SGCD: variants seen among roughly 807,000 people sequenced by gnomAD.
SGCD encodes the protein delta-sarcoglycan.
SGCD carries 18 observed loss-of-function variants against 36.6 expected under a neutral mutation model. The ratio of observed to expected loss-of-function variants is 0.49; its 90% CI spans 0.34 to 0.73. The LOEUF (loss-of-function observed/expected upper bound fraction) is 0.73, where lower values mean the gene tolerates loss of function less well. Ranked by LOEUF, SGCD falls within the 30% of genes least tolerant of loss-of-function variation. The pLI is 0.01. For missense variants in SGCD, 387 were observed against 346.7 expected (o/e 1.12, Z -0.92); for synonymous variants, 133 against 130.6 (o/e 1.02, Z -0.12).
At chr5:155,928,363 C>T (rs1757032964) in intron 1 of SGCD, among the ~76,000 whole-genome samples, 1 of 152,084 alleles carries the variant, frequency 6.6e-6, no homozygotes, top group Non-Finnish European at 1.5e-5. Flanking sequence ...CTTGTCTTTA[C>T]TCTTTTAAAG....
In SGCD at chr5:155,943,212, CTA is replaced by C. The variant is rs1172902274; in HGVS notation, c.-282+72790_-282+72791del. ...AGCCACCTTTTCCTTAAATAAATTA[CTA>C]TGAGAACTACACATGCTATTGCATA... On this transcript the variant is annotated intron_variant, in intron 1 of 9. Transcript: ENST00000517913. Among the ~76,000 whole-genome samples the C allele has an allele frequency of 5.3e-5, 8 of 152,110 alleles. No homozygotes were observed. In the East Asian group the frequency reaches 1.5e-3, roughly 29 times the overall value.
intron 1 of SGCD, among the ~76,000 whole-genome samples, chr5:155,968,327 G>C (rs116295013): frequency 4.6e-5 from 7 of 152,168 alleles, no homozygotes; most frequent in African/African-American, 1.7e-4. Flanking sequence ...CTCAGTTCTT[G>C]AGATACTTAT....
chr5:156,533,463 A>T (rs1412790056), intron 4 of SGCD, among the ~76,000 whole-genome samples: 1 of 152,204 alleles, frequency 6.6e-6, no homozygotes, highest in African/African-American at 2.4e-5. Flanking sequence ...CCAGAACCCC[A>T]GACTATACAT....
intron 3 of SGCD, among the ~76,000 whole-genome samples, chr5:156,223,080 T>A (rs115864641): frequency 0.012 from 1,840 of 152,214 alleles, 18 homozygotes; most frequent in Non-Finnish European, 0.018. Flanking sequence ...GCCTTCTATT[T>A]GGAAGAATGT....
chr5:155,955,514 G>C (rs79418965), intron 1 of SGCD, among the ~76,000 whole-genome samples: 2 of 152,058 alleles, frequency 1.3e-5, no homozygotes, highest in African/African-American at 4.8e-5. Flanking sequence ...TTGATTGCAG[G>C]CTATATTGGA....
intron 7 of SGCD, among the ~76,000 whole-genome samples, chr5:156,738,362 AACCTCGAGTTCTG>A (rs1756485060): frequency 6.6e-6 from 1 of 152,070 alleles, no homozygotes; most frequent in Admixed American, 6.6e-5. Flanking sequence ...TCACCTTGGA[AACCTCGAGTTCTG>A]AGGAACACCA....
chr5:156,722,844 C>CCTA (rs1192276066), intron 7 of SGCD, among the ~76,000 whole-genome samples: 2 of 152,244 alleles, frequency 1.3e-5, no homozygotes, highest in Non-Finnish European at 2.9e-5. Flanking sequence ...TGACTACTCT[C>CCTA]TGGGGCCACA....
At chr5:156,318,338 G>A (rs1767571134) in intron 3 of SGCD, among the ~76,000 whole-genome samples, 1 of 152,136 alleles carries the variant, frequency 6.6e-6, no homozygotes, top group South Asian at 2.1e-4. Context: ...AATGGCAGCA[G>A]GCTAAGTCAG....
intron 3 of SGCD, among the ~76,000 whole-genome samples, chr5:156,357,002 C>T (rs897752489): frequency 3.9e-5 from 6 of 152,130 alleles, no homozygotes; most frequent in Admixed American, 2.0e-4. Context: ...GCTTCTAGAA[C>T]TTTGAGAAAA....
intron 7 of SGCD, among the ~76,000 whole-genome samples, chr5:156,756,221 A>G (rs925647344): frequency 6.6e-6 from 1 of 152,196 alleles, no homozygotes; most frequent in African/African-American, 2.4e-5. Context: ...TGTAACAGAG[A>G]GGAGGATCTT....
chr5:156,479,752 CTTCT>C (rs1220582334), intron 3 of SGCD, among the ~76,000 whole-genome samples: 1 of 152,138 alleles, frequency 6.6e-6, no homozygotes, highest in Non-Finnish European at 1.5e-5. Flanking sequence ...TTTCTTTCCT[CTTCT>C]TTCTTTCTTT....
chr5:156,744,761 C>T (rs896384706), intron 7 of SGCD, among the ~76,000 whole-genome samples: 1 of 152,174 alleles, frequency 6.6e-6, no homozygotes. Flanking sequence ...ACTCTTCAGC[C>T]AGATGTGATT....
In SGCD at chr5:156,588,988, TTGTG is replaced by T. The variant is rs113243314; in HGVS notation, c.295-210_295-207del. Among the ~76,000 whole-genome samples the T allele has an allele frequency of 3.8e-3, 544 of 143,132 alleles. 3 individuals carry two copies. The highest frequency in any genetic ancestry group is 0.011 in the East Asian group (54 of 4,868). The allele number at this position is 143,132 out of a possible 152,430, so 93.9% of individuals were successfully genotyped here. A position where few individuals can be genotyped will look rare whatever the true frequency, so the allele number is the denominator to read the frequency against. ...TGTGTGTGTTCTGGGGGAATCTATA[TTGTG>T]TGTGTGTGTGTGTGTGTGTGTGTGT... On this transcript the variant is annotated intron_variant, in intron 4 of 8. Transcript: ENST00000337851.
the SGCD span, among the ~76,000 whole-genome samples, chr5:155,746,447 TGTA>T: frequency 2.0e-5 from 3 of 152,020 alleles, no homozygotes; most frequent in African/African-American, 4.8e-5. Context: ...GCCAGGGTTA[TGTA>T]GTAGTAGAGT....
intron 3 of SGCD, among the ~76,000 whole-genome samples, chr5:156,501,386 CAG>C (rs1756444698): frequency 6.6e-6 from 1 of 152,118 alleles, no homozygotes; most frequent in African/African-American, 2.4e-5. Flanking sequence ...CAAAGGGAGT[CAG>C]GGGAAGGAGA....
chr5:156,562,426 G>A (rs1276467681), intron 4 of SGCD, among the ~76,000 whole-genome samples: 27 of 152,110 alleles, frequency 1.8e-4, no homozygotes, highest in Non-Finnish European at 4.4e-5. Context: ...AAAGGCAAGA[G>A]CATCTTGTCA....
At chr5:156,609,656 A>G (rs1761679635) in intron 6 of SGCD, among the ~76,000 whole-genome samples, 1 of 152,134 alleles carries the variant, frequency 6.6e-6, no homozygotes, top group Admixed American at 6.5e-5. Context: ...ACTTGGTTCC[A>G]TTCTCCCCGT....
At chr5:156,072,341 C>T (rs1760602918) in intron 1 of SGCD, among the ~76,000 whole-genome samples, 1 of 152,014 alleles carries the variant, frequency 6.6e-6, no homozygotes, top group Non-Finnish European at 1.5e-5. Flanking sequence ...CACATAATCT[C>T]TCAGCATTTG....
Position 156,371,807 on chromosome 5 carries a change from C to A in SGCD, c.192+27130C>A, listed in dbSNP as rs544753405. On this transcript the variant is annotated intron_variant, in intron 3 of 8. Coordinates refer to ENST00000337851, the MANE Select transcript of SGCD (RefSeq NM_000337.6). Reference sequence around the variant, plus strand: ...TGCCCCATGATATGCTCCGTCTAATCTCCATGCCTTTGGGCCTGATGGTTT... The same window carrying A: ...TGCCCCATGATATGCTCCGTCTAATATCCATGCCTTTGGGCCTGATGGTTT... Among the ~76,000 whole-genome samples, 6 of 152,310 alleles carry A rather than the reference C, an allele frequency of 3.9e-5. No individual in the cohort carries two copies. In the South Asian group the frequency reaches 1.2e-3, roughly 32 times the overall value.
Sources: allele counts gnomAD v4.1 joint callset (sites outside exome capture counted in the v4.1 genomes callset), GRCh38; gene constraint gnomAD v4.1.1; transcripts MANE v1.5; gene names NCBI Gene and HGNC (gene_info 2026-07-23, HGNC 2026-07-21).